The following COLEC12 variants were observed in gnomAD, a reference collection of about 807,000 sequenced individuals.
COLEC12 encodes the protein collectin subfamily member 12, also known as collectin-12.
COLEC12 carries 33 observed loss-of-function variants against 71.1 expected under a neutral mutation model. The observed-to-expected ratio is 0.46, with a 90% CI of 0.35 to 0.62. COLEC12 has a LOEUF of 0.62. Ranked by LOEUF, COLEC12 falls within the 20% of genes least tolerant of loss-of-function variation. COLEC12 has a pLI of 0.00. For synonymous variants in COLEC12, 350 were observed against 353.0 expected (o/e 0.99, Z 0.10); for missense variants, 765 against 916.1 (o/e 0.84, Z 2.13).
intron 2 of COLEC12, among the ~76,000 whole-genome samples, chr18:368,650 G>A (rs113343412): frequency 1.3e-5 from 2 of 152,048 alleles, no homozygotes; most frequent in South Asian, 2.1e-4. Context: ...GGATCATGAG[G>A]TCAGGAGATC....
chr18:372,922 T>C (rs1287412580), intron 2 of COLEC12, among the ~76,000 whole-genome samples: 4 of 152,054 alleles, frequency 2.6e-5, no homozygotes, highest in African/African-American at 9.7e-5. Context: ...TGTTAAACCT[T>C]CCCCCCATCT....
At chr18:375,342 C>T (rs958854326) in intron 2 of COLEC12, among the ~76,000 whole-genome samples, 1 of 152,230 alleles carries the variant, frequency 6.6e-6, no homozygotes, top group Non-Finnish European at 1.5e-5. Flanking sequence ...CTGCCTAGGA[C>T]ACTCTCCTGT....
At chr18:361,907 C>T (rs1026483119) in intron 2 of COLEC12, among the ~76,000 whole-genome samples, 2 of 152,164 alleles carry the variant, frequency 1.3e-5, no homozygotes, top group African/African-American at 4.8e-5. Context: ...AGGATGATTT[C>T]TTACATTCCA....
rs556060661 is a variant in COLEC12, at chr18:480,516, G to A, written c.58+191C>T. Among the ~76,000 whole-genome samples, 16 of 152,118 alleles carry A rather than the reference G, an allele frequency of 1.1e-4. No homozygotes were observed. In the South Asian group the frequency reaches 3.3e-3, roughly 32 times the overall value. On this transcript the variant is annotated intron_variant, in intron 2 of 9. Transcript: ENST00000400256. This position sits in a 1 kb window ranked among gnomAD's most constrained non-coding sequence, Gnocchi z 4.1. ...TGCCTGGGTGCAGCTCCTGTCCCATGGCCCCTCAGAATTGTGAGAAACCCT... is the reference window on the plus strand; with the variant it reads ...TGCCTGGGTGCAGCTCCTGTCCCATAGCCCCTCAGAATTGTGAGAAACCCT...
At chr18:446,051 C>A (rs934343627) in intron 2 of COLEC12, among the ~76,000 whole-genome samples, 2 of 152,132 alleles carry the variant, frequency 1.3e-5, no homozygotes, top group African/African-American at 2.4e-5. Context: ...TAAGGTTCAC[C>A]CATGTTGCAG....
At chr18:411,974 T>A (rs55723636) in intron 2 of COLEC12, among the ~76,000 whole-genome samples, 41,493 of 152,042 alleles carry the variant, frequency 0.27, 6,892 homozygotes, top group South Asian at 0.53. Flanking sequence ...TTGTGGACTA[T>A]AACAAAAAAT....
intron 2 of COLEC12, among the ~76,000 whole-genome samples, chr18:411,789 C>T (rs1915897608): frequency 6.6e-6 from 1 of 151,980 alleles, no homozygotes; most frequent in African/African-American, 2.4e-5. Context: ...ACCTGTAGTT[C>T]CTGGGCAAAA....
rs376978607 is a variant in COLEC12 at position 335,075 on chromosome 18, C to G, written c.1483G>C (p.Glu495Gln). The change falls in exon 6 of 10, where the codon GAG (glutamate) becomes CAG (glutamine). Residue 495 changes from glutamate (E) to glutamine (Q), a missense_variant. Physicochemically the swap from Glu to Gln is conservative, Grantham distance 29. Coordinates refer to ENST00000400256, the MANE Select transcript of COLEC12 (RefSeq NM_130386.3). ...GPIGPAGPPGERGGKGSKGSQ... is the reference protein window; with the variant it reads ...GPIGPAGPPGQRGGKGSKGSQ... ...CCTTTAGATCCTTTGCCGCCACGCT[C>G]TCCGGGGGGACCAGCTGGTCCAATT... 7.4e-5 allele frequency: 120 copies of G among 1,611,012 alleles called. No individual in the cohort carries two copies. Among genetic ancestry groups the G allele is most frequent in the African/African-American group, 5.4e-4 (40 of 74,616 alleles).
intron 2 of COLEC12, among the ~76,000 whole-genome samples, chr18:406,171 A>C (rs1391614194): frequency 6.6e-6 from 1 of 152,140 alleles, no homozygotes; most frequent in Non-Finnish European, 1.5e-5. Flanking sequence ...GGAGACATGA[A>C]TAATCCACCC....
At chr18:446,586 ATGGGAGCACACACC>A (rs1319740342) in intron 2 of COLEC12, among the ~76,000 whole-genome samples, 1 of 149,776 alleles carries the variant, frequency 6.7e-6, no homozygotes, top group Non-Finnish European at 1.5e-5. Flanking sequence ...GTAGCCAGGC[ATGGGAGCACACACC>A]TGGGAGGCTG....
chr18:323,507 T>C (rs1913765126), intron 8 of COLEC12, among the ~76,000 whole-genome samples: 1 of 152,160 alleles, frequency 6.6e-6, no homozygotes, highest in Admixed American at 6.5e-5. Flanking sequence ...GAGTTCAAAA[T>C]CTCAGCCTGT....
chr18:367,895 C>T (rs1424319356), intron 2 of COLEC12, among the ~76,000 whole-genome samples: 1 of 152,080 alleles, frequency 6.6e-6, no homozygotes, highest in African/African-American at 2.4e-5. Flanking sequence ...TCAAGACTGG[C>T]CAGGGCAACA....
At position 346,102 on chromosome 18, in the gene COLEC12, C is replaced by G. The variant is rs142842797; in HGVS notation, c.1327+193G>C. On this transcript the variant is annotated intron_variant, in intron 5 of 9. Transcript: ENST00000400256. This position sits in a 1 kb window ranked among gnomAD's most constrained non-coding sequence, Gnocchi z 4.0. ...GTCAAGCCTTCAGATGACTGCAGCT[C>G]TGGCTGAGATCTTGACACAACCTCA... Among the ~76,000 whole-genome samples the G allele has an allele frequency of 7.2e-5, 11 of 152,350 alleles. No individual in the cohort carries two copies. The East Asian group carries it at 2.1e-3, about 29-fold the overall frequency.
chr18:319,184 T>C lies in COLEC12; in HGVS notation c.*861A>G, dbSNP rs1054253567. 2.6e-5 allele frequency: 4 copies of C among 151,980 alleles called. No individual in the cohort carries two copies. Among genetic ancestry groups the C allele is most frequent in the African/African-American group, 7.3e-5 (3 of 41,376 alleles). 9.4% of individuals were successfully genotyped at this position (151,980 alleles called of 1,614,324 possible). A position where few individuals can be genotyped will look rare whatever the true frequency, so the allele number is the denominator to read the frequency against. On this transcript the variant is annotated 3_prime_UTR_variant, in exon 10 of 10. Coordinates refer to ENST00000400256, the MANE Select transcript of COLEC12 (RefSeq NM_130386.3). ...TGTCTGGTCAGGCACACGTCAAGAA[T>C]GTTGGCTGGTGATGGGCTCAAGGCA...
chr18:335,218 G>A lies in COLEC12; in HGVS notation c.1340C>T (p.Pro447Leu), dbSNP rs1914090968. Residue 447 changes from proline to leucine, a missense_variant, in exon 6 of 10, where the codon CCC (proline) becomes CTC (leucine). Transcript: ENST00000400256. ...TCCTCTGTCACCTCTTGGACCCCTG[G>A]GGCCCGGTGGACCTAAAGCATAAAA... ...NFTILQGPPG[P>L]RGPRGDRGSQ... The A allele has an allele frequency of 6.3e-7, 1 of 1,593,966 alleles. No homozygotes were observed.
intron 2 of COLEC12, among the ~76,000 whole-genome samples, chr18:364,059 A>G (rs913507665): frequency 7.2e-5 from 11 of 152,244 alleles, no homozygotes; most frequent in Non-Finnish European, 1.6e-4. Context: ...GAACTCTTCG[A>G]CGTTCATGCT....
At chr18:353,696 C>T (rs192896944) in intron 3 of COLEC12, among the ~76,000 whole-genome samples, 4 of 152,340 alleles carry the variant, frequency 2.6e-5, no homozygotes, top group African/African-American at 7.2e-5. Context: ...GGTGCTCACA[C>T]GTTTTTGTAC....
At chr18:351,884 T>C (rs919671816) in intron 3 of COLEC12, among the ~76,000 whole-genome samples, 2 of 152,228 alleles carry the variant, frequency 1.3e-5, no homozygotes, top group African/African-American at 4.8e-5. Flanking sequence ...TTCTCTATGT[T>C]GGCCAGGCTG....
At chr18:392,523 C>T (rs76643048) in intron 2 of COLEC12, among the ~76,000 whole-genome samples, 8,047 of 152,234 alleles carry the variant, frequency 0.053, 299 homozygotes, top group East Asian at 0.18. Context: ...TGGTATTTGG[C>T]GAAACTTACA....
Sources: gnomAD v4.1 joint callset for allele counts (sites outside exome capture counted in the v4.1 genomes callset) on GRCh38, gnomAD v4.1.1 for gene constraint, Gnocchi (gnomAD v3.1) non-coding constraint, MANE v1.5 for transcripts, NCBI Gene and HGNC (gene_info 2026-07-23, HGNC 2026-07-21) for gene names.